The following RILPL2 variants were observed in gnomAD, a reference collection of about 807,000 sequenced individuals.
RILPL2 encodes RILP-like protein 2.
A neutral mutation model predicts 22.2 loss-of-function variants in RILPL2; 19 were observed. That is an observed-to-expected ratio of 0.86 (90% CI 0.60 to 1.25). The LOEUF is 1.25. Among genes scored for constraint, RILPL2 ranks in the 50% most tolerant of loss-of-function variants. The probability of loss-of-function intolerance (pLI) is 0.00; values close to 1 mark genes in which losing one functional copy is unlikely to be tolerated. For missense variants in RILPL2, 243 were observed against 263.6 expected (o/e 0.92, Z 0.54); for synonymous variants, 123 against 111.6 (o/e 1.10, Z -0.64).
downstream of RILPL2, chr12:123,411,496 A>T (rs1593483717): frequency 6.6e-6 from 1 of 151,512 alleles, no homozygotes; most frequent in Non-Finnish European, 1.5e-5. Flanking sequence ...AAATAAAATA[A>T]AAGATGATTG....
intron 3 of RILPL2, among the ~76,000 whole-genome samples, chr12:123,416,249 G>A (rs564669627): frequency 2.6e-4 from 39 of 152,208 alleles, no homozygotes; most frequent in African/African-American, 8.7e-4. Context: ...GCTTGAACCC[G>A]GGACGCAGAG....
In RILPL2 at chr12:123,434,888, A is replaced by G. The variant is rs140118916; in HGVS notation, c.339+1194T>C. On this transcript the variant is annotated intron_variant, in intron 1 of 3. Transcript: ENST00000280571. The stretch of plus-strand genomic sequence containing the variant: ...GTTCATGAATTTTATTTAAATGTAC[A>G]GTAGGGCTGGGTGCTGTGGCTCAGG... 8.0e-3 allele frequency among the ~76,000 whole-genome samples: 1,208 copies of G among 151,340 alleles called. 14 individuals are homozygous for G. The highest frequency in any genetic ancestry group is 0.027 in the African/African-American group (1,109 of 41,306).
At chr12:123,418,645 C>T (rs1879183915) in intron 3 of RILPL2, among the ~76,000 whole-genome samples, 1 of 152,044 alleles carries the variant, frequency 6.6e-6, no homozygotes, top group African/African-American at 2.4e-5. Context: ...GTCCTGACAC[C>T]TGGCAACTAA....
In RILPL2 at chr12:123,415,799, G is replaced by T; in HGVS notation, c.*92C>A. The T allele has an allele frequency of 8.4e-7, 1 of 1,188,818 alleles. No homozygotes were observed. The highest frequency in any genetic ancestry group is 1.3e-6 in the Non-Finnish European group (1 of 791,638). 73.6% of individuals were successfully genotyped at this position (1,188,818 alleles called of 1,614,324 possible). ...GGGGAAATAAATACACAGGCCTAGT[G>T]TGTCTGTGTGGCACAGGGAGGTGGT... is the stretch of plus-strand genomic sequence containing the variant. On this transcript the variant is annotated 3_prime_UTR_variant, in exon 4 of 4. Transcript: ENST00000280571.
At chr12:123,434,044 C>T (rs1313291250) in intron 1 of RILPL2, among the ~76,000 whole-genome samples, 1 of 152,168 alleles carries the variant, frequency 6.6e-6, no homozygotes, top group Non-Finnish European at 1.5e-5. Flanking sequence ...CGTCCACTTA[C>T]AGCAGCTTTT....
chr12:123,421,205 G>A (rs554417295), intron 3 of RILPL2, among the ~76,000 whole-genome samples: 1 of 152,022 alleles, frequency 6.6e-6, no homozygotes, highest in African/African-American at 2.4e-5. Flanking sequence ...CTACCACCCA[G>A]CTCATTTTTG....
intron 2 of RILPL2, among the ~76,000 whole-genome samples, chr12:123,425,220 A>G (rs2139242392): frequency 6.6e-6 from 1 of 151,916 alleles, no homozygotes; most frequent in South Asian, 2.1e-4. Flanking sequence ...ATTGTTGCCC[A>G]GGCTGGAGTG....
chr12:123,428,551 G>C (rs144742057), intron 2 of RILPL2, among the ~76,000 whole-genome samples: 1 of 152,290 alleles, frequency 6.6e-6, no homozygotes, highest in East Asian at 1.9e-4. Flanking sequence ...GCTGCTCTCT[G>C]AAAGATGCTA....
chr12:123,434,360 G>C (rs1327758106), intron 1 of RILPL2, among the ~76,000 whole-genome samples: 3 of 152,022 alleles, frequency 2.0e-5, no homozygotes, highest in African/African-American at 7.2e-5. Flanking sequence ...TGAGGCCTCA[G>C]TGAGCTGTGA....
chr12:123,428,652 T>C (rs538485522), intron 2 of RILPL2, among the ~76,000 whole-genome samples: 1 of 152,338 alleles, frequency 6.6e-6, no homozygotes, highest in African/African-American at 2.4e-5. Context: ...GTGATCTAAA[T>C]GCGGCGTGCT....
At chr12:123,424,331 A>ATTAT (rs1879373084) in intron 2 of RILPL2, among the ~76,000 whole-genome samples, 2 of 135,174 alleles carry the variant, frequency 1.5e-5, no homozygotes, top group South Asian at 4.7e-4. Context: ...TAAGAGTTAG[A>ATTAT]TTTTTTTTTT....
Position 123,428,842 on chromosome 12 carries a change from CAG to C in RILPL2, c.491+1664_491+1665del, listed in dbSNP as rs1879516130. Among the ~76,000 whole-genome samples, 3 of 152,034 alleles carry C rather than the reference CAG, an allele frequency of 2.0e-5. No individual in the cohort carries two copies. The South Asian group carries it at 6.2e-4, about 32-fold the overall frequency. ...TGATGCTTGGGATACATTTAGCAGA[CAG>C]AGTGCCTGGCACATGGCGAGTATCA... On this transcript the variant is annotated intron_variant, in intron 2 of 3. Transcript: ENST00000280571.
At chr12:123,423,715 G>A (rs926511342) in intron 2 of RILPL2, among the ~76,000 whole-genome samples, 16 of 150,634 alleles carry the variant, frequency 1.1e-4, no homozygotes, top group Admixed American at 8.6e-4. Context: ...GTGCAGTGGC[G>A]CGATCTCGGC....
Position 123,436,537 on chromosome 12 carries a change from G to A in RILPL2, c.-117C>T. 6.9e-7 allele frequency: 1 copy of A among 1,445,792 alleles called. No homozygotes were observed. Among genetic ancestry groups the A allele is most frequent in the Non-Finnish European group, 9.1e-7 (1 of 1,098,180 alleles). The allele number at this position is 1,445,792 out of a possible 1,614,324, so 89.6% of individuals were successfully genotyped here. A position where few individuals can be genotyped will look rare whatever the true frequency, so the allele number is the denominator to read the frequency against. On this transcript the variant is annotated 5_prime_UTR_variant, in exon 1 of 4. Coordinates refer to ENST00000280571, the MANE Select transcript of RILPL2 (RefSeq NM_145058.3). The surrounding 1 kb of genome is among the most constrained non-coding windows in gnomAD (Gnocchi z 6.7). ...CAGAGTCCCTACCTGCCCAATCAGCGCGGCCCGGGGGTGGGCCCGGGGGGA... is the reference window on the plus strand; with the variant it reads ...CAGAGTCCCTACCTGCCCAATCAGCACGGCCCGGGGGTGGGCCCGGGGGGA...
chr12:123,424,047 G>T (rs183780010), intron 2 of RILPL2, among the ~76,000 whole-genome samples: 5 of 152,192 alleles, frequency 3.3e-5, no homozygotes, highest in Admixed American at 3.3e-4. Context: ...TCTAACTTAA[G>T]CCTTGGTTTC....
Position 123,436,321 on chromosome 12 carries a change from A to G in RILPL2, c.100T>C (p.Phe34Leu). The change falls in exon 1 of 4, where the codon TTC becomes CTC. Residue 34 changes from phenylalanine (F) to leucine (L), a missense_variant. By Grantham distance (22) the Phe-to-Leu change is conservative (BLOSUM62 0). Transcript: ENST00000280571. The surrounding 1 kb of genome is among the most constrained non-coding windows in gnomAD (Gnocchi z 6.7). ...TACACGTCCTCGGCGGTCAGCTGGA[A>G]GGGGCTCTTGCCCAGCGCCCCCTCG... is the stretch of plus-strand genomic sequence containing the variant. ...GPEGALGKSP[F>L]QLTAEDVYDI... The G allele has an allele frequency of 1.3e-6, 2 of 1,580,920 alleles. No individual in the cohort carries two copies. Among genetic ancestry groups the G allele is most frequent in the Non-Finnish European group, 1.7e-6 (2 of 1,163,796 alleles).
rs183397270 is a variant in RILPL2 at position 123,433,182 on chromosome 12, A to G, written c.340-2523T>C. Among the ~76,000 whole-genome samples, 291 of 151,340 alleles carry G rather than the reference A, an allele frequency of 1.9e-3. 4 individuals carry two copies. The highest frequency in any genetic ancestry group is 3.5e-4 in the Non-Finnish European group (24 of 67,868). ...AATGCAGCAGCGTGATCTCAGCTCA[A>G]TGCAACCTCTGCCTCCCGGGTTCAA... On this transcript the variant is annotated intron_variant, in intron 1 of 3. Transcript: ENST00000280571.
In RILPL2 at chr12:123,430,610, C is replaced by A; in HGVS notation, c.389G>T (p.Arg130Leu). ...TAGCTCCTGCAGAGTGAAGCGGGGT[C>A]GGTTGGGATCTGTCAGGTCAACCAC... Reference protein sequence around the residue: ...KMVVDLTDPNRPRFTLQELRD... With the variant: ...KMVVDLTDPNLPRFTLQELRD... Residue 130 changes from arginine (R) to leucine (L), a missense_variant, in exon 2 of 4, where the codon CGA (arginine) becomes CTA (leucine). By Grantham distance (102) the Arg-to-Leu change is moderately radical (BLOSUM62 -2). Transcript: ENST00000280571. The A allele has an allele frequency of 6.2e-7, 1 of 1,610,904 alleles. No individual in the cohort carries two copies. The highest frequency in any genetic ancestry group is 8.5e-7 in the Non-Finnish European group (1 of 1,178,024).
chr12:123,435,141 C>T (rs1005398227), intron 1 of RILPL2, among the ~76,000 whole-genome samples: 8 of 151,608 alleles, frequency 5.3e-5, no homozygotes, highest in African/African-American at 1.9e-4. Context: ...GGTCACGCCA[C>T]TGCACTACAG....
Sources: allele counts gnomAD v4.1 joint callset (sites outside exome capture counted in the v4.1 genomes callset), GRCh38; gene constraint gnomAD v4.1.1; non-coding constraint Gnocchi (gnomAD v3.1); transcripts MANE v1.5; gene names NCBI Gene and HGNC (gene_info 2026-07-23, HGNC 2026-07-21).